CRADD: variants seen among roughly 807,000 people sequenced by gnomAD.
CRADD encodes the protein CARD and death domain containing adaptor protein.
Under a neutral mutation model 15.5 loss-of-function variants are expected in CRADD, and 9 were observed. The ratio of observed to expected loss-of-function variants is 0.58; its 90% CI spans 0.35 to 1.01. The LOEUF is 1.01. Ranked by LOEUF, CRADD falls within the 50% of genes least tolerant of loss-of-function variation. The pLI is 0.02. For synonymous variants in CRADD, 118 were observed against 107.6 expected (o/e 1.10, Z -0.60); for missense variants, 227 against 250.3 (o/e 0.91, Z 0.63).
chr12:93,887,420 A>G (rs1183135637), intron 2 of CRADD, among the ~76,000 whole-genome samples: 2 of 152,248 alleles, frequency 1.3e-5, no homozygotes, highest in Admixed American at 6.5e-5. Flanking sequence ...ATACAAAATA[A>G]GGATTTGAAG....
At chr12:93,855,858 G>T (rs1400958330) in intron 2 of CRADD, among the ~76,000 whole-genome samples, 2 of 151,892 alleles carry the variant, frequency 1.3e-5, no homozygotes, top group African/African-American at 4.8e-5. Flanking sequence ...TTGCTCTGTC[G>T]CCAGGCTGGA....
At chr12:93,894,224 T>G in exon 3 of CRADD, 5 of 644,364 alleles carry the variant, frequency 7.8e-6, no homozygotes, top group Middle Eastern at 2.7e-4. Flanking sequence ...CATTTGACAA[T>G]GTCTGGAGGC....
intron 2 of CRADD, among the ~76,000 whole-genome samples, chr12:93,861,762 G>A (rs1037888835): frequency 6.6e-6 from 1 of 152,222 alleles, no homozygotes; most frequent in African/African-American, 2.4e-5. Flanking sequence ...TCAGCCTCCA[G>A]GGGAACATAG....
At chr12:93,874,789 C>T (rs1414057136) in intron 2 of CRADD, among the ~76,000 whole-genome samples, 1 of 151,916 alleles carries the variant, frequency 6.6e-6, no homozygotes, top group Non-Finnish European at 1.5e-5. Flanking sequence ...AGATGCTTGT[C>T]ATTATTTCAA....
chr12:93,874,874 G>GA lies in CRADD; in HGVS notation c.299-19168dup, dbSNP rs200384381. On this transcript the variant is annotated intron_variant, in intron 2 of 2. Transcript: ENST00000548483. The stretch of plus-strand genomic sequence containing the variant: ...CCTTCAGAATGATCAATGTGCTGAG[G>GA]AAAAAAAACGTGTATTCTGTAGCCA... Among the ~76,000 whole-genome samples the GA allele has an allele frequency of 7.0e-4, 106 of 151,504 alleles. 1 individual carries two copies. In the East Asian group the frequency reaches 0.016, roughly 23 times the overall value.
rs537653120 is a variant in CRADD, at chr12:93,744,946, T to G, written c.298+65874T>G. Among the ~76,000 whole-genome samples the G allele has an allele frequency of 1.6e-4, 24 of 152,306 alleles. No homozygotes were observed. In the South Asian group the frequency reaches 1.7e-3, roughly 11 times the overall value. On this transcript the variant is annotated intron_variant, in intron 2 of 2. Transcript: ENST00000332896. ...AATAATTGCATTTTAAAAAGAATGG[T>G]TTTCCTCTGCACTCTGATTTTAACC...
chr12:93,847,509 A>C (rs1257862768), intron 2 of CRADD, among the ~76,000 whole-genome samples: 2 of 147,622 alleles, frequency 1.4e-5, no homozygotes, highest in African/African-American at 2.5e-5. Context: ...AAAAAAAAAA[A>C]AAAAAAAAAA....
intron 2 of CRADD, among the ~76,000 whole-genome samples, chr12:93,782,633 A>G (rs1386456342): frequency 1.3e-5 from 2 of 152,060 alleles, no homozygotes; most frequent in African/African-American, 4.8e-5. Context: ...CTGTAAACCA[A>G]ATGCAGGTAT....
chr12:93,867,014 G>A (rs1169898282), intron 2 of CRADD, among the ~76,000 whole-genome samples: 3 of 152,054 alleles, frequency 2.0e-5, no homozygotes, highest in Non-Finnish European at 4.4e-5. Flanking sequence ...ATCACACAAA[G>A]TAAGCATTAG....
At chr12:93,878,153 G>C (rs1448128390) in intron 2 of CRADD, among the ~76,000 whole-genome samples, 1 of 152,190 alleles carries the variant, frequency 6.6e-6, no homozygotes, top group East Asian at 1.9e-4. Flanking sequence ...TCTCTGCCTG[G>C]TAATCCAGAT....
At chr12:93,789,443 G>C (rs1957324629) in intron 2 of CRADD, among the ~76,000 whole-genome samples, 2 of 152,168 alleles carry the variant, frequency 1.3e-5, no homozygotes, top group Non-Finnish European at 2.9e-5. Context: ...GATGACGATT[G>C]GTTTAGAAGA....
chr12:93,821,615 T>C (rs1261931197), intron 2 of CRADD, among the ~76,000 whole-genome samples: 3 of 152,256 alleles, frequency 2.0e-5, no homozygotes, highest in Admixed American at 6.5e-5. Context: ...ACATATGGTC[T>C]GGAGGGCCAA....
At chr12:93,752,077 T>C (rs1179324720) in intron 2 of CRADD, among the ~76,000 whole-genome samples, 1 of 152,228 alleles carries the variant, frequency 6.6e-6, no homozygotes. Flanking sequence ...GTGGGGCATG[T>C]ATGCTTGAGA....
intron 2 of CRADD, among the ~76,000 whole-genome samples, chr12:93,845,975 T>C (rs1958110254): frequency 6.6e-6 from 1 of 152,010 alleles, no homozygotes; most frequent in African/African-American, 2.4e-5. Context: ...CAACCAGCAT[T>C]CTGCTTTCTG....
intron 2 of CRADD, among the ~76,000 whole-genome samples, chr12:93,885,872 C>T (rs1488655137): frequency 6.6e-6 from 1 of 152,046 alleles, no homozygotes; most frequent in African/African-American, 2.4e-5. Flanking sequence ...AACCCTGTCT[C>T]TACTAAAAAT....
chr12:93,812,358 A>G (rs1398037263), intron 2 of CRADD, among the ~76,000 whole-genome samples: 2 of 152,124 alleles, frequency 1.3e-5, no homozygotes, highest in Admixed American at 6.5e-5. Context: ...AAACAAGGCA[A>G]TGTGTATAAA....
chr12:93,761,790 T>G (rs919064482), intron 2 of CRADD, among the ~76,000 whole-genome samples: 6 of 152,240 alleles, frequency 3.9e-5, no homozygotes, highest in African/African-American at 9.6e-5. Context: ...CAAATAGGAA[T>G]AGAGAGAAAA....
At chr12:93,890,016 T>C (rs956409292) in intron 2 of CRADD, among the ~76,000 whole-genome samples, 2 of 152,232 alleles carry the variant, frequency 1.3e-5, no homozygotes, top group African/African-American at 4.8e-5. Context: ...ACCCCATACA[T>C]ACTCAGCCCG....
intron 2 of CRADD, among the ~76,000 whole-genome samples, chr12:93,779,390 A>G (rs1957174518): frequency 6.6e-6 from 1 of 152,168 alleles, no homozygotes; most frequent in African/African-American, 2.4e-5. Context: ...AGTTGGACAT[A>G]ACCAAATAGT....
Sources: allele counts gnomAD v4.1 joint callset (sites outside exome capture counted in the v4.1 genomes callset), GRCh38; gene constraint gnomAD v4.1.1; transcripts MANE v1.5; gene names NCBI Gene and HGNC (gene_info 2026-07-23, HGNC 2026-07-21).